The following UGT1A3 variants were observed in gnomAD, a reference collection of about 807,000 sequenced individuals.
UGT1A3 encodes UDP glucuronosyltransferase family 1 member A3.
In UGT1A3, 31 loss-of-function variants were observed where a neutral mutation model predicts 41.0. The observed-to-expected ratio is 0.76, with a 90% CI of 0.57 to 1.02. The LOEUF is 1.02. UGT1A3 is among the 50% of genes least tolerant of loss of function. UGT1A3 has a pLI of 0.00. For missense variants in UGT1A3, 737 were observed against 671.0 expected, an observed-to-expected ratio of 1.10 and a Z score of -1.09; for synonymous variants, 262 against 257.6, an observed-to-expected ratio of 1.02 and a Z score of -0.17.
intron 1 of UGT1A3, among the ~76,000 whole-genome samples, chr2:233,746,886 T>G (rs1265545295): frequency 6.6e-6 from 1 of 151,624 alleles, no homozygotes; most frequent in Non-Finnish European, 1.5e-5. Context: ...AACAGAGAAG[T>G]AGGAGGCTGT....
In UGT1A3 at chr2:233,756,140, C is replaced by T. The variant is rs565288729; in HGVS notation, c.868-10894C>T. 16 of 152,332 alleles carry T rather than the reference C, an allele frequency of 1.1e-4. No homozygotes were observed. The East Asian group carries it at 1.3e-3, about 13-fold the overall frequency. 9.4% of individuals were successfully genotyped at this position (152,332 alleles called of 1,614,324 possible). On this transcript the variant is annotated intron_variant, in intron 1 of 4. Coordinates refer to ENST00000482026, the MANE Select transcript of UGT1A3 (RefSeq NM_019093.4). ...TTTGTAAAATTCTCCTGAAAAATTA[C>T]TGGGGATCCCTAGGATTTCCTGGCT...
intron 1 of UGT1A3, among the ~76,000 whole-genome samples, chr2:233,737,902 TA>T (rs1468589686): frequency 1.3e-5 from 2 of 152,134 alleles, no homozygotes; most frequent in Non-Finnish European, 2.9e-5. Context: ...TCGAGTGTGG[TA>T]AAGAACAGGC....
intron 1 of UGT1A3, among the ~76,000 whole-genome samples, chr2:233,764,613 G>C (rs1465626858): frequency 6.6e-6 from 1 of 152,080 alleles, no homozygotes; most frequent in Admixed American, 6.5e-5. Context: ...GTAAGAGTGG[G>C]TTTCATGAAG....
intron 1 of UGT1A3, among the ~76,000 whole-genome samples, chr2:233,750,999 T>G (rs560264893): frequency 6.6e-6 from 1 of 151,774 alleles, no homozygotes; most frequent in Non-Finnish European, 1.5e-5. Flanking sequence ...GCCACCATCC[T>G]CCAGAATCCC....
Position 233,750,687 on chromosome 2 carries a change from G to T in UGT1A3, c.868-16347G>T, listed in dbSNP as rs1349099199. On this transcript the variant is annotated intron_variant, in intron 1 of 4. Coordinates refer to ENST00000482026, the MANE Select transcript of UGT1A3 (RefSeq NM_019093.4). The stretch of plus-strand genomic sequence containing the variant: ...CTGTGTCCCAGTGGCTCCAGCCATG[G>T]CTAAAAGAGGCCAAGGTAGAGCTCA... The T allele has an allele frequency of 2.6e-5, 4 of 151,974 alleles. No individual in the cohort carries two copies. In the South Asian group the frequency reaches 6.2e-4, roughly 24 times the overall value. 9.4% of individuals were successfully genotyped at this position (151,974 alleles called of 1,614,324 possible). A position where few individuals can be genotyped will look rare whatever the true frequency, so the allele number is the denominator to read the frequency against.
Position 233,729,669 on chromosome 2 carries a change from C to G in UGT1A3, c.543C>G (p.Asp181Glu), listed in dbSNP as rs1433524187. ...TGAGGAACATTCCATGTGATTTAGA[C>G]TTTAAGGGCACACAGTGTCCAAACC... Reference protein sequence around the residue: ...FFLRNIPCDLDFKGTQCPNPS... With the variant: ...FFLRNIPCDLEFKGTQCPNPS... Residue 181 changes from aspartate (D) to glutamate (E), a missense_variant, in exon 1 of 5, where the codon GAC becomes GAG. By Grantham distance (45) the Asp-to-Glu change is conservative (BLOSUM62 2). Coordinates refer to ENST00000482026, the MANE Select transcript of UGT1A3 (RefSeq NM_019093.4). 47 of 1,613,792 alleles carry G rather than the reference C, an allele frequency of 2.9e-5. No individual in the cohort carries two copies. Among genetic ancestry groups the G allele is most frequent in the Non-Finnish European group, 3.7e-5 (44 of 1,179,864 alleles).
rs770564267 is a variant in UGT1A3 at position 233,772,524 on chromosome 2, C to A, written c.1570C>A (p.Arg524=). 1.2e-6 allele frequency: 2 copies of A among 1,613,956 alleles called. No individual in the cohort carries two copies. The highest frequency in any genetic ancestry group is 2.2e-5 in the East Asian group (1 of 44,874). Residue 524 remains arginine (R), a synonymous_variant, in exon 5 of 5, where the codon CGA becomes AGA. Transcript: ENST00000482026. ...GYRKCLGKKG[R]VKKAHKSKTH ...CCGGAAATGCTTGGGGAAAAAAGGG[C>A]GAGTTAAGAAAGCCCACAAATCCAA...
chr2:233,772,189 A>G, intron 4 of UGT1A3, 73 bp from the exon 5 acceptor site: 1 of 1,597,464 alleles, frequency 6.3e-7, no homozygotes, highest in Non-Finnish European at 8.5e-7. Context: ...CTTCTTAAGC[A>G]GCCATGAGCA....
chr2:233,733,096 G>A (rs2078355938), intron 1 of UGT1A3, among the ~76,000 whole-genome samples: 1 of 152,018 alleles, frequency 6.6e-6, no homozygotes, highest in Non-Finnish European at 1.5e-5. Flanking sequence ...TTCACTCATG[G>A]TTTGGCTCTG....
At chr2:233,764,546 TGGGA>T (rs1045982534) in intron 1 of UGT1A3, among the ~76,000 whole-genome samples, 5 of 152,234 alleles carry the variant, frequency 3.3e-5, no homozygotes, top group African/African-American at 1.2e-4. Context: ...AGTGGGCGTG[TGGGA>T]GGGTGTGCCT....
intron 1 of UGT1A3, among the ~76,000 whole-genome samples, chr2:233,757,212 T>G (rs1174758514): frequency 1.4e-5 from 2 of 147,276 alleles, no homozygotes; most frequent in Admixed American, 1.4e-4. Context: ...CCCAGGAAGC[T>G]GCTGACCAAG....
At chr2:233,766,273 TGGCCCGGGCTCG>T (rs1203864514) in intron 1 of UGT1A3, among the ~76,000 whole-genome samples, 2 of 151,808 alleles carry the variant, frequency 1.3e-5, no homozygotes, top group Non-Finnish European at 2.9e-5. Context: ...CCGGGCTCGG[TGGCCCGGGCTCG>T]GTGGCCTGGG....
At chr2:233,761,199 A>G (rs767135825) in intron 1 of UGT1A3, 6 of 1,614,054 alleles carry the variant, frequency 3.7e-6, no homozygotes, top group Admixed American at 1.7e-5. Flanking sequence ...TTTCAGATGT[A>G]TTACTTTGGA....
At chr2:233,730,142 AC>A in intron 1 of UGT1A3, 149 bp downstream of exon 1, 1 of 1,517,928 alleles carries the variant, frequency 6.6e-7, no homozygotes, top group East Asian at 2.4e-5. Context: ...AGTGAGATAA[AC>A]TGTTAAGGGG....
chr2:233,772,282 G>T lies in UGT1A3; in HGVS notation c.1328G>T (p.Arg443Leu), dbSNP rs748166510. 6.2e-7 allele frequency: 1 copy of T among 1,614,194 alleles called. No homozygotes were observed. Among genetic ancestry groups the T allele is most frequent in the Non-Finnish European group, 8.5e-7 (1 of 1,180,040 alleles). The change falls in exon 5 of 5, where the codon CGC becomes CTC. Residue 443 changes from arginine (R) to leucine (L), a missense_variant. By Grantham distance (102) the Arg-to-Leu change is moderately radical. Transcript: ENST00000482026. ...TTTAGTTACAAGGAGAACATCATGC[G>T]CCTCTCCAGCCTTCACAAGGACCGC... ...NDKSYKENIM[R>L]LSSLHKDRPV...
At chr2:233,760,403 A>G in intron 1 of UGT1A3, 1 of 1,614,240 alleles carries the variant, frequency 6.2e-7, no homozygotes, top group Non-Finnish European at 8.5e-7. Context: ...GATGGCAGCC[A>G]CTGGCTGAGC....
intron 1 of UGT1A3, among the ~76,000 whole-genome samples, chr2:233,758,958 A>G (rs936812045): frequency 2.0e-5 from 3 of 152,152 alleles, no homozygotes; most frequent in Non-Finnish European, 4.4e-5. Flanking sequence ...AATTTCCCCA[A>G]ATGCCTTTCC....
At chr2:233,749,352 A>G (rs1249792542) in intron 1 of UGT1A3, among the ~76,000 whole-genome samples, 1 of 151,892 alleles carries the variant, frequency 6.6e-6, no homozygotes, top group Non-Finnish European at 1.5e-5. Context: ...TGGAATTTAA[A>G]TAGTGACTCT....
intron 1 of UGT1A3, among the ~76,000 whole-genome samples, chr2:233,752,746 AAAACAAAC>A (rs200752387): frequency 7.9e-5 from 12 of 152,308 alleles, no homozygotes; most frequent in East Asian, 1.9e-4. Context: ...CCCTGTCTCT[AAAACAAAC>A]AAACAAACAA....
Sources: gnomAD v4.1 joint callset for allele counts (sites outside exome capture counted in the v4.1 genomes callset) on GRCh38, gnomAD v4.1.1 for gene constraint, MANE v1.5 for transcripts, NCBI Gene and HGNC (gene_info 2026-07-23, HGNC 2026-07-21) for gene names.